The following HHIP variants were observed in gnomAD, a reference collection of about 807,000 sequenced individuals.
HHIP encodes the protein hedgehog interacting protein.
In HHIP, 12 loss-of-function variants were observed where a neutral mutation model predicts 74.0. The observed-to-expected ratio is 0.16, with a 90% CI of 0.10 to 0.26. The LOEUF (loss-of-function observed/expected upper bound fraction) is 0.26. HHIP is among the 10% of genes least tolerant of loss of function. HHIP has a pLI of 1.00. For missense variants in HHIP, 788 were observed against 845.0 expected (o/e 0.93, Z 0.84); for synonymous variants, 309 against 311.6 (o/e 0.99, Z 0.09).
intron 3 of HHIP, 78 bp from the exon 4 acceptor site, chr4:144,659,559 G>A (rs79499123): frequency 1.1e-6 from 1 of 929,602 alleles, no homozygotes; most frequent in Admixed American, 2.9e-5. Flanking sequence ...AGGAAATAGA[G>A]TTTGAAAAGG....
rs749580583 is a variant in HHIP at position 144,708,271 on chromosome 4, C to G, written c.1261C>G (p.Pro421Ala). ...SNPHFNSTNQPPEVFAHGLHD... is the reference protein window; with the variant it reads ...SNPHFNSTNQAPEVFAHGLHD... ...CCCACACTTCAACAGCACCAACCAG[C>G]CCCCCGAAGTGTTTGCTCATGGGCT... is the stretch of plus-strand genomic sequence containing the variant. Residue 421 changes from proline (P) to alanine (A), a missense_variant, in exon 7 of 13, where the codon CCC (proline) becomes GCC (alanine). By Grantham distance (27) the Pro-to-Ala change is conservative. This residue lies in a region of HHIP where 343 missense variants were observed against 347.9 expected (regional missense o/e 0.99). Coordinates refer to ENST00000296575, the MANE Select transcript of HHIP (RefSeq NM_022475.3). 2 of 1,613,986 alleles carry G rather than the reference C, an allele frequency of 1.2e-6. No homozygotes were observed. The highest frequency in any genetic ancestry group is 1.7e-6 in the Non-Finnish European group (2 of 1,179,994).
At chr4:144,660,871 G>A (rs1196756178) in intron 4 of HHIP, among the ~76,000 whole-genome samples, 1 of 151,956 alleles carries the variant, frequency 6.6e-6, no homozygotes, top group African/African-American at 2.4e-5. Context: ...TTCACAAAAA[G>A]GGCATTACTG....
At chr4:144,735,011 C>T (rs1200134540) in intron 12 of HHIP, 122 bp downstream of exon 12, 3 of 861,194 alleles carry the variant, frequency 3.5e-6, no homozygotes, top group African/African-American at 3.4e-5. Flanking sequence ...TAGCCATTTA[C>T]AATACTATTA....
Position 144,695,294 on chromosome 4 carries a change from T to C in HHIP, c.832-11237T>C, listed in dbSNP as rs28399117. ...TGGCATCATCTAGTCTTTGGGGATA[T>C]GTATGTCTTTAATGGATATGCATGC... is the stretch of plus-strand genomic sequence containing the variant. On this transcript the variant is annotated intron_variant, in intron 4 of 12. Coordinates refer to ENST00000296575, the MANE Select transcript of HHIP (RefSeq NM_022475.3). Among the ~76,000 whole-genome samples, 712 of 151,984 alleles carry C rather than the reference T, an allele frequency of 4.7e-3. 3 individuals are homozygous for C. The highest frequency in any genetic ancestry group is 0.015 in the African/African-American group (629 of 41,556).
chr4:144,732,246 A>T (rs1199727464), intron 11 of HHIP, among the ~76,000 whole-genome samples: 5 of 152,238 alleles, frequency 3.3e-5, no homozygotes, highest in Non-Finnish European at 7.3e-5. Flanking sequence ...AATGTTATTT[A>T]TCAACTGTGT....
chr4:144,707,371 T>G, intron 6 of HHIP, 111 bp downstream of exon 6: 2 of 837,366 alleles, frequency 2.4e-6, no homozygotes, highest in Non-Finnish European at 3.7e-6. Context: ...TCACCTTGGT[T>G]AAATACTTAA....
chr4:144,665,160 C>T (rs1728826775), intron 4 of HHIP, among the ~76,000 whole-genome samples: 1 of 152,106 alleles, frequency 6.6e-6, no homozygotes, highest in South Asian at 2.1e-4. Flanking sequence ...CTGTAACCTC[C>T]TGGGTTCAAG....
At chr4:144,680,029 TC>T (rs1729292211) in intron 4 of HHIP, among the ~76,000 whole-genome samples, 2 of 152,206 alleles carry the variant, frequency 1.3e-5, no homozygotes, top group Non-Finnish European at 2.9e-5. Context: ...TCATTGACAG[TC>T]TTTGTTATAT....
In HHIP at chr4:144,668,871, T is replaced by C. The variant is rs899133793; in HGVS notation, c.831+9033T>C. ...ACACTGACAAATTTTTTATATAAAG[T>C]CTAAATCTGTAAGCAAATTTGCTCT... On this transcript the variant is annotated intron_variant, in intron 4 of 12. Transcript: ENST00000296575. Among the ~76,000 whole-genome samples, 18 of 152,296 alleles carry C rather than the reference T, an allele frequency of 1.2e-4. No individual in the cohort carries two copies. The South Asian group carries it at 3.7e-3, about 32-fold the overall frequency.
intron 7 of HHIP, 55 bp from the exon 8 acceptor site, chr4:144,711,895 T>A: frequency 1.3e-6 from 2 of 1,561,802 alleles, no homozygotes; most frequent in Non-Finnish European, 1.7e-6. Context: ...ATCTCCAGTC[T>A]GAGCTTGGAA....
At position 144,706,618 on chromosome 4, in the gene HHIP, C is replaced by G. The variant is rs767987068; in HGVS notation, c.919C>G (p.Gln307Glu). 1 of 1,613,702 alleles carries G rather than the reference C, an allele frequency of 6.2e-7. No individual in the cohort carries two copies. Among genetic ancestry groups the G allele is most frequent in the Admixed American group, 1.7e-5 (1 of 59,994 alleles). The change falls in exon 5 of 13, where the codon CAA becomes GAA. Residue 307 changes from glutamine (Q) to glutamate (E), a missense_variant. This residue lies in a region of HHIP where 373 missense variants were observed against 366.4 expected (regional missense o/e 1.02). Transcript: ENST00000296575. ...GTTGTATGTGTCCTATACCACCAAC[C>G]AAGAACGGTGGGCTATCGGGCCTCA... Reference protein sequence around the residue: ...GKLYVSYTTNQERWAIGPHDH... With the variant: ...GKLYVSYTTNEERWAIGPHDH...
chr4:144,719,904 C>T (rs928866257), intron 11 of HHIP, among the ~76,000 whole-genome samples: 26 of 152,140 alleles, frequency 1.7e-4, no homozygotes, highest in African/African-American at 5.1e-4. Flanking sequence ...ACTAAGGGCA[C>T]TTTAAAATAT....
intron 11 of HHIP, among the ~76,000 whole-genome samples, chr4:144,720,420 G>A (rs1349713672): frequency 3.3e-5 from 5 of 152,092 alleles, no homozygotes; most frequent in Admixed American, 2.6e-4. Context: ...CAAAGTACCT[G>A]GTAGCATTGT....
At chr4:144,711,850 T>C (rs1475572608) in intron 7 of HHIP, 100 bp from the exon 8 acceptor site, 1 of 1,163,734 alleles carries the variant, frequency 8.6e-7, no homozygotes, top group Non-Finnish European at 1.2e-6. Flanking sequence ...ATAGGATCCT[T>C]GCCAGTCCAC....
chr4:144,678,907 G>C (rs1322713233), intron 4 of HHIP, among the ~76,000 whole-genome samples: 1 of 152,168 alleles, frequency 6.6e-6, no homozygotes, highest in Non-Finnish European at 1.5e-5. Context: ...TAATGGGATT[G>C]CTGGGTCAAA....
At chr4:144,663,885 A>G (rs1245991620) in intron 4 of HHIP, among the ~76,000 whole-genome samples, 1 of 152,202 alleles carries the variant, frequency 6.6e-6, no homozygotes, top group Non-Finnish European at 1.5e-5. Flanking sequence ...GTGTAATTTC[A>G]CCAAAATGCC....
At chr4:144,674,304 T>C (rs555680432) in intron 4 of HHIP, among the ~76,000 whole-genome samples, 1 of 152,348 alleles carries the variant, frequency 6.6e-6, no homozygotes, top group East Asian at 1.9e-4. Flanking sequence ...CTAGCAATTT[T>C]TTAAAATGTG....
chr4:144,701,609 C>T (rs1447353189), intron 4 of HHIP, among the ~76,000 whole-genome samples: 2 of 151,948 alleles, frequency 1.3e-5, no homozygotes, highest in African/African-American at 4.8e-5. Context: ...TCCCTAAGCA[C>T]CAACACATTA....
rs974411292 is a variant in HHIP, at chr4:144,744,893, G to T, written c.*6936G>T. Reference sequence around the variant, plus strand: ...GAATTCAGCAGTAACAGTACAGATGGCCTAAAGTACATCTGTGTGTATCTG... The same window carrying T: ...GAATTCAGCAGTAACAGTACAGATGTCCTAAAGTACATCTGTGTGTATCTG... On this transcript the variant is annotated 3_prime_UTR_variant, in exon 13 of 13. Coordinates refer to ENST00000296575, the MANE Select transcript of HHIP (RefSeq NM_022475.3). 6.6e-6 allele frequency: 1 copy of T among 152,124 alleles called. No homozygotes were observed. The highest frequency in any genetic ancestry group is 1.5e-5 in the Non-Finnish European group (1 of 68,026). The allele number at this position is 152,124 out of a possible 1,614,324, so 9.4% of individuals were successfully genotyped here. A position where few individuals can be genotyped will look rare whatever the true frequency, so the allele number is the denominator to read the frequency against.
Sources: allele counts gnomAD v4.1 joint callset (sites outside exome capture counted in the v4.1 genomes callset), GRCh38; gene constraint gnomAD v4.1.1; regional missense constraint gnomAD v4.1.1; transcripts MANE v1.5; gene names NCBI Gene and HGNC (gene_info 2026-07-23, HGNC 2026-07-21).